THADA: variants seen among roughly 807,000 people sequenced by gnomAD.
THADA encodes the protein THADA armadillo repeat containing.
In THADA, 213 loss-of-function variants were observed where a neutral mutation model predicts 219.8. The observed-to-expected ratio is 0.97, with a 90% confidence interval of 0.87 to 1.09. The LOEUF is 1.09. THADA is among the 50% of genes least tolerant of loss of function. THADA has a pLI of 0.00. For synonymous variants in THADA, 1,018 were observed against 828.9 expected (o/e 1.23, Z -3.92); for missense variants, 2,956 against 2,311.3 (o/e 1.28, Z -5.72).
At chr2:43,395,320 G>T (rs1345837846) in intron 29 of THADA, among the ~76,000 whole-genome samples, 1 of 152,224 alleles carries the variant, frequency 6.6e-6, no homozygotes, top group Admixed American at 6.5e-5. Flanking sequence ...TGAAGAAGCA[G>T]CAGAGTCTGA....
At chr2:43,480,682 G>C (rs1186283056) in intron 26 of THADA, among the ~76,000 whole-genome samples, 1 of 151,974 alleles carries the variant, frequency 6.6e-6, no homozygotes. Flanking sequence ...GCCAGGTGTG[G>C]TAGTGTGCAC....
intron 4 of THADA, among the ~76,000 whole-genome samples, chr2:43,587,351 C>A (rs1237933565): frequency 6.6e-6 from 1 of 152,200 alleles, no homozygotes; most frequent in African/African-American, 2.4e-5. Context: ...CCTCCCGATA[C>A]AATCTGGCAC....
At position 43,541,285 on chromosome 2, in the gene THADA, C is replaced by A; in HGVS notation, c.3138G>T (p.Ala1046=). 6.2e-7 allele frequency: 1 copy of A among 1,613,248 alleles called. No individual in the cohort carries two copies. The highest frequency in any genetic ancestry group is 1.1e-5 in the South Asian group (1 of 90,960). ...TCCAACAACATACCAGCACCATCTGCGCAGTTACATCACATGTTTTTACTT... is the reference window on the plus strand; with the variant it reads ...TCCAACAACATACCAGCACCATCTGAGCAGTTACATCACATGTTTTTACTT... ...GKEVKTCDVT[A]QMVLVCCWRS... Residue 1046 remains alanine (A), a synonymous_variant, in exon 21 of 38, where the codon GCG becomes GCT. Transcript: ENST00000405975.
At chr2:43,504,070 A>G (rs1190014547) in intron 24 of THADA, among the ~76,000 whole-genome samples, 1 of 151,950 alleles carries the variant, frequency 6.6e-6, no homozygotes, top group Non-Finnish European at 1.5e-5. Context: ...TGCCAAAATA[A>G]TAAAAAAAAA....
intron 26 of THADA, among the ~76,000 whole-genome samples, chr2:43,442,238 C>T (rs749677064): frequency 1.3e-5 from 2 of 152,080 alleles, no homozygotes; most frequent in Non-Finnish European, 2.9e-5. Flanking sequence ...GAGTTTGAGA[C>T]CACTCTGGCC....
At position 43,586,468 on chromosome 2, in the gene THADA, G is replaced by A; in HGVS notation, c.485-19C>T. 3 of 1,538,658 alleles carry A rather than the reference G, an allele frequency of 1.9e-6. No individual in the cohort carries two copies. Among genetic ancestry groups the A allele is most frequent in the Middle Eastern group, 1.8e-4 (1 of 5,692 alleles). ...TGAAGCACTGAAACAAAAAGAATAT[G>A]ACAAATAAGAATTTAAAACTGTGAA... On this transcript the variant is annotated intron_variant, in intron 6 of 37. Coordinates refer to ENST00000405975, the MANE Select transcript of THADA (RefSeq NM_022065.5).
chr2:43,510,326 C>G (rs10180005), intron 22 of THADA, among the ~76,000 whole-genome samples: 21,411 of 151,982 alleles, frequency 0.14, 2,021 homozygotes, highest in African/African-American at 0.27. Context: ...GGGTAAAGGT[C>G]GCTTATTATT....
chr2:43,481,451 G>C (rs1487059592), intron 26 of THADA, among the ~76,000 whole-genome samples: 1 of 152,064 alleles, frequency 6.6e-6, no homozygotes, highest in African/African-American at 2.4e-5. Flanking sequence ...CTATTATTTT[G>C]TTCCTCTTTC....
intron 21 of THADA, 47 bp downstream of exon 21, chr2:43,541,112 A>T (rs1203703673): frequency 1.4e-6 from 2 of 1,450,284 alleles, no homozygotes; most frequent in Non-Finnish European, 1.8e-6. Context: ...AAAGTGATTT[A>T]TGCGTTGACC....
intron 26 of THADA, among the ~76,000 whole-genome samples, chr2:43,467,563 T>C (rs1478483861): frequency 6.6e-6 from 1 of 152,224 alleles, no homozygotes; most frequent in Non-Finnish European, 1.5e-5. Context: ...TCTATTTTTA[T>C]TTCCCTGTGG....
At chr2:43,503,333 T>G (rs963344298) in intron 24 of THADA, among the ~76,000 whole-genome samples, 3 of 152,048 alleles carry the variant, frequency 2.0e-5, no homozygotes, top group Non-Finnish European at 4.4e-5. Flanking sequence ...AGGGATGAAA[T>G]GAAATAGAAT....
intron 28 of THADA, among the ~76,000 whole-genome samples, chr2:43,419,411 T>C (rs939264184): frequency 6.6e-6 from 1 of 152,202 alleles, no homozygotes; most frequent in Admixed American, 6.5e-5. Context: ...AGCTTGTTTT[T>C]ACTAGAAGAT....
intron 20 of THADA, among the ~76,000 whole-genome samples, chr2:43,547,017 T>C (rs1267183704): frequency 7.1e-6 from 1 of 141,278 alleles, no homozygotes; most frequent in Non-Finnish European, 1.6e-5. Flanking sequence ...TACCGGTTGT[T>C]CCTTTCCATG....
chr2:43,475,527 A>G (rs547169720), intron 26 of THADA, among the ~76,000 whole-genome samples: 2 of 152,228 alleles, frequency 1.3e-5, no homozygotes, highest in East Asian at 3.9e-4. Flanking sequence ...GAAATTCGAA[A>G]GTGAATTAGA....
At chr2:43,361,022 C>G (rs1045411370) in intron 29 of THADA, among the ~76,000 whole-genome samples, 1 of 149,680 alleles carries the variant, frequency 6.7e-6, no homozygotes, top group Non-Finnish European at 1.5e-5. Flanking sequence ...CAGCATCTAC[C>G]ACAACTGAAA....
At chr2:43,480,254 A>C (rs768678470) in intron 26 of THADA, among the ~76,000 whole-genome samples, 2 of 152,164 alleles carry the variant, frequency 1.3e-5, no homozygotes, top group Non-Finnish European at 2.9e-5. Context: ...ATCTCGGCTA[A>C]GTTAGACATG....
chr2:43,474,720 T>C lies in THADA; in HGVS notation c.3836+10514A>G, dbSNP rs151070481. Among the ~76,000 whole-genome samples the C allele has an allele frequency of 3.3e-3, 497 of 152,294 alleles. 1 individual carries two copies. Among genetic ancestry groups the C allele is most frequent in the African/African-American group, 0.011 (472 of 41,558 alleles). On this transcript the variant is annotated intron_variant, in intron 26 of 37. Coordinates refer to ENST00000405975, the MANE Select transcript of THADA (RefSeq NM_022065.5). The stretch of plus-strand genomic sequence containing the variant: ...AATTGACCATTTATATGTATCTAAA[T>C]CAACTTCAGGTATTCAGAATTTGAG...
At chr2:43,410,973 C>A (rs1676222127) in intron 28 of THADA, among the ~76,000 whole-genome samples, 1 of 152,194 alleles carries the variant, frequency 6.6e-6, no homozygotes, top group Non-Finnish European at 1.5e-5. Flanking sequence ...TCCAAAACAT[C>A]TCAAGTCTTC....
chr2:43,373,176 A>C (rs1670998621), intron 29 of THADA, among the ~76,000 whole-genome samples: 1 of 152,236 alleles, frequency 6.6e-6, no homozygotes, highest in Non-Finnish European at 1.5e-5. Context: ...TGGGTGTTTA[A>C]GGTTAAATGT....
Sources: gnomAD v4.1 joint callset for allele counts (sites outside exome capture counted in the v4.1 genomes callset) on GRCh38, gnomAD v4.1.1 for gene constraint, MANE v1.5 for transcripts, NCBI Gene and HGNC (gene_info 2026-07-23, HGNC 2026-07-21) for gene names.